Variants in NAP1L4 observed in about 807,000 individuals in gnomAD.
NAP1L4 encodes the protein nucleosome assembly protein 1 like 4.
In NAP1L4, 15 loss-of-function variants were observed where a neutral mutation model predicts 58.2. That is an observed-to-expected ratio of 0.26 (90% CI 0.17 to 0.40). The LOEUF (loss-of-function observed/expected upper bound fraction) is 0.40. Among genes scored for constraint, NAP1L4 ranks in the 10% least tolerant of loss-of-function variants. The pLI is 1.00. For missense variants in NAP1L4, 384 were observed against 451.1 expected (o/e 0.85, Z 1.35); for synonymous variants, 171 against 155.6 (o/e 1.10, Z -0.74).
chr11:2,945,661 GA>G lies in NAP1L4; in HGVS notation c.*33-16del. On this transcript the variant is annotated splice_polypyrimidine_tract_variant and intron_variant, in intron 15 of 15. Transcript: ENST00000380542. ...CTGGGTTCCTTCTGTCAATGAAAAA[GA>G]CAAGGCTTGTAGAGAGCAAAGCCAG... The G allele has an allele frequency of 6.5e-7, 1 of 1,535,698 alleles. No individual in the cohort carries two copies. The highest frequency in any genetic ancestry group is 8.7e-7 in the Non-Finnish European group (1 of 1,146,632).
rs545512556 is a variant in NAP1L4, at chr11:2,955,162, C to T, written c.916-516G>A. 1.2e-3 allele frequency among the ~76,000 whole-genome samples: 180 copies of T among 151,530 alleles called. 2 individuals are homozygous for T. Among genetic ancestry groups the T allele is most frequent in the Non-Finnish European group, 1.9e-3 (128 of 67,860 alleles). ...GCCTCAAGCTCCTGGGCCCCAGCGA[C>T]CCTGGAACTACACAGTGCACCACCA... On this transcript the variant is annotated intron_variant, in intron 11 of 15. Coordinates refer to ENST00000380542, the MANE Select transcript of NAP1L4 (RefSeq NM_005969.4). The surrounding 1 kb of genome is among the most constrained non-coding windows in gnomAD (Gnocchi z 4.2).
In NAP1L4 at chr11:2,959,757, G is replaced by T; in HGVS notation, c.746+13C>A. The T allele has an allele frequency of 6.2e-7, 1 of 1,609,294 alleles. No individual in the cohort carries two copies. The highest frequency in any genetic ancestry group is 1.1e-5 in the South Asian group (1 of 90,196). On this transcript the variant is annotated intron_variant, in intron 9 of 15. Coordinates refer to ENST00000380542, the MANE Select transcript of NAP1L4 (RefSeq NM_005969.4). The surrounding 1 kb of genome is among the most constrained non-coding windows in gnomAD (Gnocchi z 4.9). ...TTGTTTCAGAAAAACAAGGTAGAAT[G>T]ACATTTTCTTACCCGTCACAGTCCA...
chr11:2,966,357 A>C (rs892136417), intron 7 of NAP1L4, among the ~76,000 whole-genome samples: 4 of 152,162 alleles, frequency 2.6e-5, no homozygotes, highest in Non-Finnish European at 2.9e-5. Flanking sequence ...TTCACCCTAC[A>C]GTGCTACAAC....
chr11:2,956,305 C>A (rs1846536258), intron 10 of NAP1L4, among the ~76,000 whole-genome samples: 1 of 152,158 alleles, frequency 6.6e-6, no homozygotes, highest in Non-Finnish European at 1.5e-5. Flanking sequence ...AATTCCTCAG[C>A]GAAAGCTGAT....
At chr11:2,977,984 C>T (rs1180453774) in intron 3 of NAP1L4, among the ~76,000 whole-genome samples, 3 of 151,702 alleles carry the variant, frequency 2.0e-5, no homozygotes, top group Non-Finnish European at 4.4e-5. Context: ...CTGGGTAACA[C>T]AGCAAGGCTC....
intron 10 of NAP1L4, 125 bp downstream of exon 10, chr11:2,958,274 G>A: frequency 3.1e-6 from 3 of 952,536 alleles, no homozygotes; most frequent in Non-Finnish European, 5.0e-6. Flanking sequence ...ACACAGCAAT[G>A]TGCCCCTACT....
At chr11:2,982,301 C>A (rs1848367327) in intron 1 of NAP1L4, among the ~76,000 whole-genome samples, 5 of 152,128 alleles carry the variant, frequency 3.3e-5, no homozygotes, top group Admixed American at 3.3e-4. Flanking sequence ...TTAATTGAAG[C>A]TCTCTATTGC....
intron 8 of NAP1L4, among the ~76,000 whole-genome samples, chr11:2,961,485 C>T (rs1846901978): frequency 6.8e-6 from 1 of 147,016 alleles, no homozygotes; most frequent in Admixed American, 7.0e-5. Context: ...TATTTCTCTC[C>T]CAACCCTCCA....
chr11:2,989,339 T>A (rs757344584), intron 1 of NAP1L4: 3 of 152,234 alleles, frequency 2.0e-5, no homozygotes, highest in Non-Finnish European at 2.9e-5. Context: ...AGCTCATCTC[T>A]GCTGTCTTAT....
At chr11:2,982,308 T>G (rs1383808336) in intron 1 of NAP1L4, among the ~76,000 whole-genome samples, 2 of 152,152 alleles carry the variant, frequency 1.3e-5, no homozygotes, top group Non-Finnish European at 2.9e-5. Context: ...AAGCTCTCTA[T>G]TGCCTAAGAA....
At chr11:2,957,211 G>A (rs933750594) in intron 10 of NAP1L4, among the ~76,000 whole-genome samples, 3 of 151,954 alleles carry the variant, frequency 2.0e-5, no homozygotes, top group African/African-American at 7.3e-5. Context: ...CCTTCTTCAC[G>A]CTGAATTCAC....
intron 10 of NAP1L4, among the ~76,000 whole-genome samples, chr11:2,957,316 A>G (rs16928885): frequency 0.037 from 5,627 of 152,310 alleles, 347 homozygotes; most frequent in African/African-American, 0.13. Context: ...CTCATTCCCC[A>G]AACCGTATGT....
intron 10 of NAP1L4, among the ~76,000 whole-genome samples, chr11:2,956,455 T>G (rs1846544590): frequency 6.6e-6 from 1 of 152,168 alleles, no homozygotes; most frequent in Non-Finnish European, 1.5e-5. Context: ...TCATCAGGAG[T>G]TGAATGTTTA....
At position 2,969,924 on chromosome 11, in the gene NAP1L4, T is replaced by C. The variant is rs775324756; in HGVS notation, c.413A>G (p.Lys138Arg). The change falls in exon 7 of 16, where the codon AAA (lysine) becomes AGA (arginine). Residue 138 changes from lysine to arginine, a missense_variant. By Grantham distance (26) the Lys-to-Arg change is conservative (BLOSUM62 2). This residue lies in a region of NAP1L4 where 296 missense variants were observed against 360.8 expected (regional missense o/e 0.82). Transcript: ENST00000380542. Reference protein sequence around the residue: ...EEEEKLAGDMKSKVVVTEKAA... With the variant: ...EEEEKLAGDMRSKVVVTEKAA... The stretch of plus-strand genomic sequence containing the variant: ...TTTTTCTGTGACGACTACTTTACTT[T>C]TCATGTCTCCCTAAAAAAAAGATGC... The C allele has an allele frequency of 7.4e-6, 12 of 1,612,018 alleles. No homozygotes were observed. In the Admixed American group the frequency reaches 1.8e-4, roughly 25 times the overall value.
intron 1 of NAP1L4, among the ~76,000 whole-genome samples, chr11:2,987,756 CAA>C (rs57754393): frequency 0.013 from 939 of 70,374 alleles, 6 homozygotes; most frequent in African/African-American, 0.051. Context: ...GACTCCACCT[CAA>C]AAAAAAAAAA....
chr11:2,979,380 G>C (rs1848167116), intron 1 of NAP1L4, 143 bp from the exon 2 acceptor site: 1 of 651,804 alleles, frequency 1.5e-6, no homozygotes, highest in Non-Finnish European at 2.7e-6. Flanking sequence ...AAATGTTCTA[G>C]ATCTTGACTG....
At chr11:2,964,199 C>T (rs1235713295) in intron 8 of NAP1L4, among the ~76,000 whole-genome samples, 1 of 152,082 alleles carries the variant, frequency 6.6e-6, no homozygotes. Context: ...ACATAGCTCC[C>T]ATCTTTTTAA....
chr11:2,983,019 C>CAA (rs199923577), intron 1 of NAP1L4, among the ~76,000 whole-genome samples: 340 of 149,122 alleles, frequency 2.3e-3, no homozygotes, highest in African/African-American at 7.9e-3. Flanking sequence ...GACTCCATCT[C>CAA]AAAAAAAAAC....
At chr11:2,976,832 G>A (rs2133989329) in intron 3 of NAP1L4, among the ~76,000 whole-genome samples, 1 of 152,330 alleles carries the variant, frequency 6.6e-6, no homozygotes, top group Non-Finnish European at 1.5e-5. Context: ...TTACCCAGTT[G>A]TGACTATGAA....
Sources: gnomAD v4.1 joint callset for allele counts (sites outside exome capture counted in the v4.1 genomes callset) on GRCh38, gnomAD v4.1.1 for gene constraint, gnomAD v4.1.1 regional missense constraint, Gnocchi (gnomAD v3.1) non-coding constraint, MANE v1.5 for transcripts, NCBI Gene and HGNC (gene_info 2026-07-23, HGNC 2026-07-21) for gene names.